The following UBR3 variants were observed in gnomAD, a reference collection of about 807,000 sequenced individuals.
The protein encoded by UBR3 is E3 ubiquitin-protein ligase UBR3.
Under a neutral mutation model 243.2 loss-of-function variants are expected in UBR3, and 85 were observed. The ratio of observed to expected loss-of-function variants is 0.35; its 90% CI spans 0.29 to 0.42. The LOEUF (loss-of-function observed/expected upper bound fraction) is 0.42. Ranked by LOEUF, UBR3 falls within the 10% of genes least tolerant of loss-of-function variation. The probability of loss-of-function intolerance (pLI) is 1.00; values close to 1 mark genes in which losing one functional copy is unlikely to be tolerated. For missense variants in UBR3, 1,686 were observed against 2,300.8 expected (o/e 0.73, Z 5.47); for synonymous variants, 748 against 799.8 (o/e 0.94, Z 1.09).
In UBR3 at chr2:169,827,959, A is replaced by T. The variant is rs1208783238; in HGVS notation, c.452A>T (p.Gln151Leu). Reference protein sequence around the residue: ...CMSLCAECFHQGDHTGHDFNM... With the variant: ...CMSLCAECFHLGDHTGHDFNM... ...TCGCTGTGCGCCGAGTGCTTCCACC[A>T]GGGCGACCACACCGGACACGACTTC... is the stretch of plus-strand genomic sequence containing the variant. Residue 151 changes from glutamine to leucine, a missense_variant, in exon 1 of 39, where the codon CAG becomes CTG. Transcript: ENST00000272793. 8 of 1,474,696 alleles carry T rather than the reference A, an allele frequency of 5.4e-6. No homozygotes were observed. Among genetic ancestry groups the T allele is most frequent in the Non-Finnish European group, 7.2e-6 (8 of 1,111,418 alleles). 91.4% of individuals were successfully genotyped at this position (1,474,696 alleles called of 1,614,324 possible).
At chr2:169,898,671 T>G (rs1427812715) in intron 8 of UBR3, among the ~76,000 whole-genome samples, 1 of 143,644 alleles carries the variant, frequency 7.0e-6, no homozygotes, top group Non-Finnish European at 1.5e-5. Flanking sequence ...TTCTTCACCT[T>G]TTTTTTTTTT....
intron 27 of UBR3, 130 bp from the exon 28 acceptor site, chr2:170,006,860 A>C: frequency 1.3e-6 from 1 of 764,520 alleles, no homozygotes; most frequent in Non-Finnish European, 2.1e-6. Flanking sequence ...GATTTTGTTT[A>C]TTTCTTTATG....
intron 20 of UBR3, among the ~76,000 whole-genome samples, chr2:169,943,472 G>T (rs777924046): frequency 6.6e-6 from 1 of 151,904 alleles, no homozygotes. Context: ...GTGGTGGTGG[G>T]CGCCTGTAAT....
intron 36 of UBR3, among the ~76,000 whole-genome samples, chr2:170,078,672 AG>A (rs1462417296): frequency 6.6e-6 from 1 of 152,216 alleles, no homozygotes; most frequent in East Asian, 1.9e-4. Context: ...ATATATGTTA[AG>A]ATCAGTGAAT....
At chr2:169,924,045 TAAG>T (rs1225167272) in intron 12 of UBR3, 36 bp from the exon 13 acceptor site, 5 of 1,522,062 alleles carry the variant, frequency 3.3e-6, no homozygotes, top group Non-Finnish European at 4.4e-6. Flanking sequence ...TTTTCAGAAA[TAAG>T]AATTGAATTA....
chr2:170,065,265 T>C (rs2091537101), intron 35 of UBR3, among the ~76,000 whole-genome samples: 1 of 152,102 alleles, frequency 6.6e-6, no homozygotes, highest in South Asian at 2.1e-4. Context: ...TATACATTCA[T>C]TTAGTCAGGT....
At chr2:169,972,785 A>G (rs977694343) in intron 24 of UBR3, among the ~76,000 whole-genome samples, 3 of 151,814 alleles carry the variant, frequency 2.0e-5, no homozygotes, top group African/African-American at 7.3e-5. Flanking sequence ...AGAAATATCT[A>G]TGACAAACCC....
chr2:169,906,463 GATAGTCCTCA>G (rs2085013171), intron 10 of UBR3, among the ~76,000 whole-genome samples: 1 of 151,948 alleles, frequency 6.6e-6, no homozygotes, highest in Non-Finnish European at 1.5e-5. Context: ...CAAGGAGTAG[GATAGTCCTCA>G]ATATTACACT....
At chr2:169,852,247 C>T (rs1406464231) in intron 1 of UBR3, among the ~76,000 whole-genome samples, 2 of 152,148 alleles carry the variant, frequency 1.3e-5, no homozygotes, top group Non-Finnish European at 2.9e-5. Context: ...TAGCTAAGAG[C>T]ACTGACCTCA....
At chr2:169,933,905 A>C (rs1485275539) in intron 19 of UBR3, among the ~76,000 whole-genome samples, 2 of 147,032 alleles carry the variant, frequency 1.4e-5, no homozygotes, top group Non-Finnish European at 3.1e-5. Context: ...CAACAACAAC[A>C]ACCCAGTTCA....
intron 33 of UBR3, among the ~76,000 whole-genome samples, chr2:170,059,460 T>C (rs1247782182): frequency 6.6e-6 from 1 of 151,942 alleles, no homozygotes; most frequent in African/African-American, 2.4e-5. Flanking sequence ...TCTGTGGTAG[T>C]TTGAGTTTTC....
At chr2:169,905,998 G>T in intron 9 of UBR3, 33 bp from the exon 10 acceptor site, 1 of 1,542,270 alleles carries the variant, frequency 6.5e-7, no homozygotes, top group South Asian at 1.2e-5. Flanking sequence ...GCTTCCACTT[G>T]ACAAGGTTTA....
chr2:169,872,486 T>TA (rs1448567765), intron 2 of UBR3, 111 bp downstream of exon 2: 2 of 745,764 alleles, frequency 2.7e-6, no homozygotes, highest in African/African-American at 1.9e-5. Context: ...GTTTAACATT[T>TA]AAAAAGAGAT....
At chr2:169,832,760 C>G (rs1266723645) in intron 1 of UBR3, among the ~76,000 whole-genome samples, 1 of 151,620 alleles carries the variant, frequency 6.6e-6, no homozygotes, top group Non-Finnish European at 1.5e-5. Context: ...ATGGAGAAAC[C>G]CCATCTCTAC....
intron 1 of UBR3, among the ~76,000 whole-genome samples, chr2:169,838,715 A>G (rs1461872112): frequency 6.6e-6 from 1 of 152,140 alleles, no homozygotes; most frequent in African/African-American, 2.4e-5. Flanking sequence ...CATTCATTCC[A>G]TTCCAGTAAC....
At chr2:170,080,734 G>GA (rs747469930) in intron 38 of UBR3, 50 bp downstream of exon 38, 2 of 1,577,264 alleles carry the variant, frequency 1.3e-6, no homozygotes, top group Non-Finnish European at 8.6e-7. Flanking sequence ...TTTGGTCAGT[G>GA]AAAACCAATA....
chr2:169,836,056 TATATA>T (rs1558998858), intron 1 of UBR3, among the ~76,000 whole-genome samples: 14 of 55,846 alleles, frequency 2.5e-4, no homozygotes, highest in African/African-American at 6.9e-4. Context: ...TATATATATA[TATATA>T]TATATATTTT....
chr2:170,080,792 C>A, intron 38 of UBR3, 108 bp downstream of exon 38: 17 of 1,224,574 alleles, frequency 1.4e-5, no homozygotes, highest in Non-Finnish European at 1.9e-5. Context: ...TTAAGAAATT[C>A]TGACAGTCAT....
chr2:169,956,360 T>C (rs2087295153), intron 23 of UBR3, among the ~76,000 whole-genome samples: 1 of 151,762 alleles, frequency 6.6e-6, no homozygotes, highest in Non-Finnish European at 1.5e-5. Context: ...CACTTTCTTC[T>C]AATCTTTTAC....
Sources: allele counts gnomAD v4.1 joint callset (sites outside exome capture counted in the v4.1 genomes callset), GRCh38; gene constraint gnomAD v4.1.1; transcripts MANE v1.5; gene names NCBI Gene and HGNC (gene_info 2026-07-23, HGNC 2026-07-21).